Variants in CNTNAP2 observed in about 807,000 individuals in gnomAD.
CNTNAP2 encodes the protein contactin-associated protein-like 2.
A neutral mutation model predicts 155.2 loss-of-function variants in CNTNAP2; 98 were observed. The observed-to-expected ratio is 0.63, with a 90% CI of 0.54 to 0.75. The LOEUF is 0.75. Ranked by LOEUF, CNTNAP2 falls within the 30% of genes least tolerant of loss-of-function variation. The pLI, the probability that CNTNAP2 is intolerant of heterozygous loss-of-function variation, is 0.00. For missense variants in CNTNAP2, 1,727 were observed against 1,688.1 expected, an observed-to-expected ratio of 1.02 and a Z score of -0.40; for synonymous variants, 651 against 631.2, an observed-to-expected ratio of 1.03 and a Z score of -0.47.
At chr7:146,505,136 A>G (rs988037042) in intron 1 of CNTNAP2, among the ~76,000 whole-genome samples, 12 of 152,176 alleles carry the variant, frequency 7.9e-5, no homozygotes, top group African/African-American at 2.7e-4. Context: ...AACGTCAGCC[A>G]TGGAACTCCT....
At chr7:146,325,436 A>G (rs1365028712) in intron 1 of CNTNAP2, among the ~76,000 whole-genome samples, 2 of 152,156 alleles carry the variant, frequency 1.3e-5, no homozygotes, top group Non-Finnish European at 2.9e-5. Context: ...TCTCCGGCCA[A>G]TGAAAACCTA....
At chr7:146,539,543 A>T (rs1468840719) in intron 1 of CNTNAP2, among the ~76,000 whole-genome samples, 1 of 152,054 alleles carries the variant, frequency 6.6e-6, no homozygotes, top group African/African-American at 2.4e-5. Context: ...ACATGAAAAA[A>T]AAAATACATA....
At chr7:147,833,174 T>C (rs1798582024) in intron 13 of CNTNAP2, among the ~76,000 whole-genome samples, 1 of 151,004 alleles carries the variant, frequency 6.6e-6, no homozygotes, top group Admixed American at 6.6e-5. Context: ...GCATCGTAGA[T>C]ACAACAAAAT....
At chr7:146,331,229 G>A (rs1327686589) in intron 1 of CNTNAP2, among the ~76,000 whole-genome samples, 1 of 151,258 alleles carries the variant, frequency 6.6e-6, no homozygotes, top group Non-Finnish European at 1.5e-5. Context: ...GCGTGAACCC[G>A]GGAAGCGGAG....
intron 1 of CNTNAP2, among the ~76,000 whole-genome samples, chr7:146,381,004 T>TA (rs1439065989): frequency 6.6e-6 from 1 of 151,466 alleles, no homozygotes; most frequent in African/African-American, 2.4e-5. Context: ...TTCACCGTGT[T>TA]AGCCAGGATG....
rs114473587 is a variant in CNTNAP2, at chr7:146,735,687, G to A, written c.98-38584G>A. 2.0e-5 allele frequency among the ~76,000 whole-genome samples: 3 copies of A among 150,108 alleles called. No homozygotes were observed. The East Asian group carries it at 5.8e-4, about 29-fold the overall frequency. On this transcript the variant is annotated intron_variant, in intron 1 of 23. Coordinates refer to ENST00000361727, the MANE Select transcript of CNTNAP2 (RefSeq NM_014141.6). ...TATAGCTATTTATATACATGTATATGTATGTGCATATATATACATATGCAT... is the reference window on the plus strand; with the variant it reads ...TATAGCTATTTATATACATGTATATATATGTGCATATATATACATATGCAT...
At chr7:146,281,195 G>A (rs939311469) in intron 1 of CNTNAP2, among the ~76,000 whole-genome samples, 1 of 152,078 alleles carries the variant, frequency 6.6e-6, no homozygotes, top group Non-Finnish European at 1.5e-5. Flanking sequence ...GTTAAAACGA[G>A]TACATTCCAA....
intron 12 of CNTNAP2, among the ~76,000 whole-genome samples, chr7:147,595,741 A>C (rs1005468263): frequency 6.6e-6 from 1 of 152,132 alleles, no homozygotes; most frequent in African/African-American, 2.4e-5. Context: ...CTACCTTGCC[A>C]CCTGTCCTGA....
chr7:146,446,341 C>A (rs1391059125), intron 1 of CNTNAP2, among the ~76,000 whole-genome samples: 2 of 151,916 alleles, frequency 1.3e-5, no homozygotes, highest in African/African-American at 4.8e-5. Flanking sequence ...TTTTAATATC[C>A]CACTCAGCTC....
intron 1 of CNTNAP2, among the ~76,000 whole-genome samples, chr7:146,545,071 T>C (rs779683602): frequency 1.3e-5 from 2 of 151,822 alleles, no homozygotes; most frequent in African/African-American, 2.4e-5. Context: ...TTTGGGGTAG[T>C]TTACCATAGT....
intron 3 of CNTNAP2, among the ~76,000 whole-genome samples, chr7:146,860,890 ATTTG>A (rs1795085747): frequency 6.6e-6 from 1 of 152,220 alleles, no homozygotes; most frequent in South Asian, 2.1e-4. Context: ...CATGATGTCT[ATTTG>A]TTTGTCTGCT....
intron 4 of CNTNAP2, among the ~76,000 whole-genome samples, chr7:147,055,357 T>G (rs1799540412): frequency 6.6e-6 from 1 of 152,224 alleles, no homozygotes. Flanking sequence ...TATTAAGGAC[T>G]GTCCCTATTA....
intron 1 of CNTNAP2, among the ~76,000 whole-genome samples, chr7:146,716,203 A>G (rs1051275479): frequency 1.3e-5 from 2 of 148,434 alleles, no homozygotes; most frequent in African/African-American, 5.1e-5. Context: ...TAGGAAAGCT[A>G]AGTCTGCAGG....
chr7:146,320,495 G>T (rs1442734137), intron 1 of CNTNAP2, among the ~76,000 whole-genome samples: 1 of 152,110 alleles, frequency 6.6e-6, no homozygotes, highest in African/African-American at 2.4e-5. Flanking sequence ...CTCTTGAAAT[G>T]TTTCATTTAT....
intron 8 of CNTNAP2, among the ~76,000 whole-genome samples, chr7:147,242,888 G>T (rs1803969435): frequency 6.9e-6 from 1 of 144,348 alleles, no homozygotes; most frequent in African/African-American, 2.6e-5. Flanking sequence ...TCAACCCATT[G>T]ATCTTTTTTC....
intron 2 of CNTNAP2, among the ~76,000 whole-genome samples, chr7:146,813,117 G>A (rs891940324): frequency 6.6e-6 from 1 of 152,208 alleles, no homozygotes; most frequent in South Asian, 2.1e-4. Flanking sequence ...CCAGATCAGT[G>A]TGGAAGGAAA....
rs1195343092 is a variant in CNTNAP2, at chr7:146,633,330, T to C, written c.98-140941T>C. Among the ~76,000 whole-genome samples, 3 of 152,284 alleles carry C rather than the reference T, an allele frequency of 2.0e-5. No individual in the cohort carries two copies. The East Asian group carries it at 5.8e-4, about 29-fold the overall frequency. On this transcript the variant is annotated intron_variant, in intron 1 of 23. Coordinates refer to ENST00000361727, the MANE Select transcript of CNTNAP2 (RefSeq NM_014141.6). ...TCACCATTATTCCATTTAACTGGGG[T>C]TACTCATTTTTATTTCCTAAAAAAT...
chr7:148,026,033 A>C (rs1802369105), intron 15 of CNTNAP2, among the ~76,000 whole-genome samples: 1 of 152,210 alleles, frequency 6.6e-6, no homozygotes, highest in Non-Finnish European at 1.5e-5. Context: ...TTTGACCTGA[A>C]AGGAAAAGGT....
intron 3 of CNTNAP2, among the ~76,000 whole-genome samples, chr7:147,041,453 A>T (rs1042470490): frequency 2.0e-5 from 3 of 152,190 alleles, no homozygotes; most frequent in Non-Finnish European, 4.4e-5. Flanking sequence ...TGGGTCTTAT[A>T]CCCTAGGTCT....
Sources: allele counts gnomAD v4.1 joint callset (sites outside exome capture counted in the v4.1 genomes callset), GRCh38; gene constraint gnomAD v4.1.1; transcripts MANE v1.5; gene names NCBI Gene and HGNC (gene_info 2026-07-23, HGNC 2026-07-21).